Variants in ZNF341 observed in about 807,000 individuals in gnomAD.
ZNF341 encodes zinc finger protein 341.
A neutral mutation model predicts 87.7 loss-of-function variants in ZNF341; 52 were observed. That is an observed-to-expected ratio of 0.59 (90% CI 0.47 to 0.75). The LOEUF (loss-of-function observed/expected upper bound fraction) is 0.75. Ranked by LOEUF, ZNF341 falls within the 30% of genes least tolerant of loss-of-function variation. ZNF341 has a pLI of 0.00. For synonymous variants in ZNF341, 459 were observed against 472.7 expected (o/e 0.97, Z 0.38); for missense variants, 977 against 1,145.9 (o/e 0.85, Z 2.13).
Position 33,790,997 on chromosome 20 carries a change from T to C in ZNF341, c.2045T>C (p.Leu682Pro). The change falls in exon 15 of 15, where the codon CTC becomes CCC. Residue 682 changes from leucine (L) to proline (P), a missense_variant. Physicochemically the swap from Leu to Pro is moderately conservative, Grantham distance 98 (BLOSUM62 -3). Around this residue, in one of 3 missense-constraint regions of ZNF341, gnomAD observed 241 missense variants for 335.0 expected, o/e 0.72. Coordinates refer to ENST00000375200, the MANE Select transcript of ZNF341 (RefSeq NM_001282933.2). ...TTCCCTTGCCCTCCAGGCATGAAGC[T>C]CCACAAATGCGCCCTGTGCAGCAAG... Reference protein sequence around the residue: ...AHILSHSGMKLHKCALCSKSF... With the variant: ...AHILSHSGMKPHKCALCSKSF... 6.2e-7 allele frequency: 1 copy of C among 1,610,294 alleles called. No individual in the cohort carries two copies. The highest frequency in any genetic ancestry group is 8.5e-7 in the Non-Finnish European group (1 of 1,177,850).
intron 10 of ZNF341, 51 bp downstream of exon 10, chr20:33,770,343 G>GGGGGGGGGT: frequency 2.0e-6 from 1 of 511,254 alleles, no homozygotes; most frequent in South Asian, 1.5e-5. Flanking sequence ...GGTGGGCAGG[G>GGGGGGGGGT]AGCCCAGGGC....
chr20:33,770,285 G>T lies in ZNF341; in HGVS notation c.1615G>T (p.Val539Phe), dbSNP rs772568773. 2 of 1,366,656 alleles carry T rather than the reference G, an allele frequency of 1.5e-6. No individual in the cohort carries two copies. The highest frequency in any genetic ancestry group is 2.3e-5 in the South Asian group (2 of 87,944). The allele number at this position is 1,366,656 out of a possible 1,614,324, so 84.7% of individuals were successfully genotyped here. A position where few individuals can be genotyped will look rare whatever the true frequency, so the allele number is the denominator to read the frequency against. Residue 539 changes from valine (V) to phenylalanine (F), a missense_variant, in exon 10 of 15, where the codon GTC (valine) becomes TTC (phenylalanine). Val to Phe is a conservative substitution (Grantham distance 50, BLOSUM62 -1). This residue lies in a region of ZNF341 where 241 missense variants were observed against 335.0 expected (regional missense o/e 0.72). Transcript: ENST00000375200. ...PQHSPKKDNA[V>F]YKCVKCVNKY... ...GCACAGCCCCAAGAAGGACAATGCC[G>T]TCTACAAGTAAGTGCCTCCTGCTTC...
At chr20:33,756,992 G>A (rs2019189308) in intron 5 of ZNF341, among the ~76,000 whole-genome samples, 156 bp from the exon 6 acceptor site, 1 of 152,170 alleles carries the variant, frequency 6.6e-6, no homozygotes, top group Admixed American at 6.5e-5. Context: ...AGGGAGCTTG[G>A]GAGTGGCTTG....
Position 33,788,992 on chromosome 20 carries a change from T to G in ZNF341, c.1964+18T>G, listed in dbSNP as rs1310298701. On this transcript the variant is annotated intron_variant, in intron 13 of 14. Transcript: ENST00000375200. ...CCTTTCTCGTGAGTAGAGACTGCCA[T>G]GCAGGGGGGTGGGTAGCGGGACAGA... The G allele has an allele frequency of 6.3e-7, 1 of 1,589,374 alleles. No individual in the cohort carries two copies. The highest frequency in any genetic ancestry group is 1.1e-5 in the South Asian group (1 of 90,448).
chr20:33,791,409 A>C lies in ZNF341; in HGVS notation c.2457A>C (p.Gly819=). The C allele has an allele frequency of 6.2e-7, 1 of 1,612,298 alleles. No individual in the cohort carries two copies. Among genetic ancestry groups the C allele is most frequent in the South Asian group, 1.1e-5 (1 of 91,018 alleles). ...CGGAAACTGAGCTGGTGGTACCTGGACACGCTGAGGGGCTGGGCTCCAACC... is the reference window on the plus strand; with the variant it reads ...CGGAAACTGAGCTGGTGGTACCTGGCCACGCTGAGGGGCTGGGCTCCAACC... ...VGAETELVVP[G]HAEGLGSNLA... Residue 819 remains glycine (G), a synonymous_variant, in exon 15 of 15, where the codon GGA becomes GGC. Coordinates refer to ENST00000375200, the MANE Select transcript of ZNF341 (RefSeq NM_001282933.2).
At position 33,753,379 on chromosome 20, in the gene ZNF341, G is replaced by T. The variant is rs749856958; in HGVS notation, c.697G>T (p.Val233Leu). The change falls in exon 5 of 15, where the codon GTG becomes TTG. Residue 233 changes from valine (V) to leucine (L), a missense_variant. Physicochemically the swap from Val to Leu is conservative, Grantham distance 32 (BLOSUM62 1). Transcript: ENST00000375200. ...AAAPLAGSGT[V>L]EIQALGMQPY... The stretch of plus-strand genomic sequence containing the variant: ...TGCGCCCCTGGCTGGGAGTGGAACG[G>T]TGGAGATCCAGGCACTGGGGATGCA... 42 of 1,607,846 alleles carry T rather than the reference G, an allele frequency of 2.6e-5. No homozygotes were observed. The highest frequency in any genetic ancestry group is 1.9e-4 in the African/African-American group (14 of 74,818).
At chr20:33,740,410 G>T (rs552356990) in intron 1 of ZNF341, among the ~76,000 whole-genome samples, 1 of 152,224 alleles carries the variant, frequency 6.6e-6, no homozygotes, top group South Asian at 2.1e-4. Context: ...CTTTATTTGG[G>T]GGCCATCTTT....
At chr20:33,733,103 G>A (rs2018609804) in intron 1 of ZNF341, among the ~76,000 whole-genome samples, 1 of 152,162 alleles carries the variant, frequency 6.6e-6, no homozygotes, top group Non-Finnish European at 1.5e-5. Flanking sequence ...CTGGAGTGCA[G>A]TGGCGCGATC....
intron 3 of ZNF341, 54 bp downstream of exon 3, chr20:33,745,353 A>G: frequency 6.4e-7 from 1 of 1,550,508 alleles, no homozygotes; most frequent in Non-Finnish European, 8.7e-7. Flanking sequence ...TAACATGCTC[A>G]GGCACTGTGC....
At chr20:33,781,211 G>T in intron 10 of ZNF341, 80 bp from the exon 11 acceptor site, 1 of 1,013,242 alleles carries the variant, frequency 9.9e-7, no homozygotes, top group Non-Finnish European at 1.6e-6. Flanking sequence ...GCCTCCTAAT[G>T]TTGGCCCTGG....
Position 33,783,821 on chromosome 20 carries a change from C to A in ZNF341, c.1809C>A (p.Phe603Leu), listed in dbSNP as rs752746750. ...AGTGCCAAGTGTGCAAGAAGTTCTTCCGGCGGGAGCATTATCTCAAACTGC... is the reference window on the plus strand; with the variant it reads ...AGTGCCAAGTGTGCAAGAAGTTCTTACGGCGGGAGCATTATCTCAAACTGC... Reference protein sequence around the residue: ...RFKCQVCKKFFRREHYLKLHA... With the variant: ...RFKCQVCKKFLRREHYLKLHA... The change falls in exon 12 of 15, where the codon TTC becomes TTA. Residue 603 changes from phenylalanine to leucine, a missense_variant. By Grantham distance (22) the Phe-to-Leu change is conservative. Coordinates refer to ENST00000375200, the MANE Select transcript of ZNF341 (RefSeq NM_001282933.2). 1 of 1,613,708 alleles carries A rather than the reference C, an allele frequency of 6.2e-7. No homozygotes were observed. Among genetic ancestry groups the A allele is most frequent in the East Asian group, 2.2e-5 (1 of 44,864 alleles).
chr20:33,766,200 A>T (rs1445909473), intron 8 of ZNF341, among the ~76,000 whole-genome samples: 1 of 147,126 alleles, frequency 6.8e-6, no homozygotes, highest in Non-Finnish European at 1.5e-5. Flanking sequence ...TACAATTATT[A>T]TTATTATTTT....
intron 3 of ZNF341, among the ~76,000 whole-genome samples, chr20:33,748,126 C>T (rs1484746579): frequency 1.3e-5 from 2 of 151,196 alleles, no homozygotes; most frequent in East Asian, 4.0e-4. Flanking sequence ...GGCTGGAGTG[C>T]AGTGGCACGA....
chr20:33,753,276 A>G lies in ZNF341; in HGVS notation c.594A>G (p.Pro198=). 2 of 1,610,010 alleles carry G rather than the reference A, an allele frequency of 1.2e-6. No homozygotes were observed. The highest frequency in any genetic ancestry group is 1.7e-6 in the Non-Finnish European group (2 of 1,179,102). The part of the protein sequence containing the change: ...LPPPPPPQPP[P]PPPQSLGPPG... ...CACCGCCACCACCTCAGCCTCCACCACCTCCACCCCAGAGCCTGGGCCCCC... is the reference window on the plus strand; with the variant it reads ...CACCGCCACCACCTCAGCCTCCACCGCCTCCACCCCAGAGCCTGGGCCCCC... The change falls in exon 5 of 15, where the codon CCA becomes CCG. Residue 198 remains proline (P), a synonymous_variant. Transcript: ENST00000375200.
intron 12 of ZNF341, chr20:33,788,584 C>T (rs958619743): frequency 2.1e-5 from 10 of 465,336 alleles, no homozygotes; most frequent in African/African-American, 1.4e-4. Flanking sequence ...GCCTCAGGGC[C>T]TTTGTACCTG....
intron 10 of ZNF341, among the ~76,000 whole-genome samples, chr20:33,776,517 G>T (rs1467319643): frequency 6.6e-6 from 1 of 152,050 alleles, no homozygotes; most frequent in Non-Finnish European, 1.5e-5. Context: ...CTCCTGAGTA[G>T]CTGGGACCAC....
chr20:33,733,465 G>C (rs1352243158), intron 1 of ZNF341, among the ~76,000 whole-genome samples: 2 of 151,034 alleles, frequency 1.3e-5, no homozygotes, highest in Non-Finnish European at 2.9e-5. Flanking sequence ...ACTCGATCTC[G>C]TGACCTCGTG....
chr20:33,780,341 A>C (rs930252471), intron 10 of ZNF341, among the ~76,000 whole-genome samples: 10 of 152,080 alleles, frequency 6.6e-5, no homozygotes, highest in Non-Finnish European at 1.3e-4. Flanking sequence ...GGGTCAGACC[A>C]CAGGGCCTTG....
In ZNF341 at chr20:33,788,940, C is replaced by T; in HGVS notation, c.1930C>T (p.His644Tyr). ...KDKLKRHMLIHEPFKKYKCPF... is the reference protein window; with the variant it reads ...KDKLKRHMLIYEPFKKYKCPF... ...CAAACTGAAGAGACACATGTTGATC[C>T]ACGAGCCCTTCAAGAAATACAAATG... is the stretch of plus-strand genomic sequence containing the variant. The change falls in exon 13 of 15, where the codon CAC (histidine) becomes TAC (tyrosine). Residue 644 changes from histidine to tyrosine, a missense_variant. This residue lies in a region of ZNF341 where 241 missense variants were observed against 335.0 expected (regional missense o/e 0.72). Coordinates refer to ENST00000375200, the MANE Select transcript of ZNF341 (RefSeq NM_001282933.2). The T allele has an allele frequency of 6.2e-7, 1 of 1,614,048 alleles. No homozygotes were observed. Among genetic ancestry groups the T allele is most frequent in the Non-Finnish European group, 8.5e-7 (1 of 1,180,000 alleles).
Sources: allele counts gnomAD v4.1 joint callset (sites outside exome capture counted in the v4.1 genomes callset), GRCh38; gene constraint gnomAD v4.1.1; regional missense constraint gnomAD v4.1.1; transcripts MANE v1.5; gene names NCBI Gene and HGNC (gene_info 2026-07-23, HGNC 2026-07-21).